Variants in KCNH5 observed in about 807,000 individuals in gnomAD.
KCNH5 encodes voltage-gated delayed rectifier potassium channel KCNH5.
KCNH5 carries 46 observed loss-of-function variants against 96.1 expected under a neutral mutation model. That is an observed-to-expected ratio of 0.48 (90% CI 0.38 to 0.61). KCNH5 has a LOEUF of 0.61. KCNH5 is among the 20% of genes least tolerant of loss of function. The pLI is 0.00. For missense variants in KCNH5, 907 were observed against 1,225.8 expected, an observed-to-expected ratio of 0.74 and a Z score of 3.88; for synonymous variants, 439 against 449.8, an observed-to-expected ratio of 0.98 and a Z score of 0.30.
intron 9 of KCNH5, among the ~76,000 whole-genome samples, chr14:62,790,068 C>CTTT (rs35827048): frequency 6.8e-6 from 1 of 148,102 alleles, no homozygotes. Flanking sequence ...TTTGAGTTGA[C>CTTT]TTTTTTTTTT....
chr14:63,025,627 A>AAG (rs138227129), intron 1 of KCNH5, among the ~76,000 whole-genome samples: 2 of 151,602 alleles, frequency 1.3e-5, no homozygotes, highest in African/African-American at 4.8e-5. Flanking sequence ...TAACAAAAAA[A>AAG]AAAACAGTAC....
chr14:62,742,844 T>C (rs1452012933), intron 10 of KCNH5, among the ~76,000 whole-genome samples: 2 of 152,182 alleles, frequency 1.3e-5, no homozygotes, highest in Non-Finnish European at 2.9e-5. Context: ...GGAAAGCTTA[T>C]TCAAGTTGCA....
intron 7 of KCNH5, among the ~76,000 whole-genome samples, chr14:62,889,438 G>T (rs1319642973): frequency 2.0e-5 from 3 of 152,158 alleles, no homozygotes; most frequent in African/African-American, 7.2e-5. Flanking sequence ...AGAATATCAT[G>T]CATGACAAAG....
intron 8 of KCNH5, among the ~76,000 whole-genome samples, chr14:62,803,662 CT>C (rs1399627614): frequency 1.3e-5 from 2 of 152,066 alleles, no homozygotes; most frequent in Non-Finnish European, 2.9e-5. Flanking sequence ...GGGTAGAGAG[CT>C]TTTATTGGCT....
chr14:63,003,353 G>T (rs546357177), intron 3 of KCNH5, among the ~76,000 whole-genome samples: 2 of 148,298 alleles, frequency 1.3e-5, no homozygotes, highest in East Asian at 3.9e-4. Flanking sequence ...AACCTGCTGT[G>T]GCTGAATCTC....
intron 3 of KCNH5, among the ~76,000 whole-genome samples, chr14:63,002,747 T>C (rs1415828600): frequency 1.3e-5 from 2 of 152,106 alleles, no homozygotes; most frequent in Non-Finnish European, 2.9e-5. Flanking sequence ...AGAAAGGAGA[T>C]TTCTATGGGA....
intron 10 of KCNH5, among the ~76,000 whole-genome samples, chr14:62,756,158 C>A (rs60210460): frequency 6.6e-6 from 1 of 151,782 alleles, no homozygotes; most frequent in African/African-American, 2.4e-5. Flanking sequence ...TATATGCCAA[C>A]GGCAAACAAT....
intron 6 of KCNH5, among the ~76,000 whole-genome samples, chr14:62,956,928 T>A (rs1890115314): frequency 1.3e-5 from 2 of 152,226 alleles, no homozygotes; most frequent in African/African-American, 4.8e-5. Context: ...AATCTTTCTG[T>A]GCCCTCCTCT....
At chr14:63,010,511 G>A (rs879584179) in intron 2 of KCNH5, among the ~76,000 whole-genome samples, 1 of 152,152 alleles carries the variant, frequency 6.6e-6, no homozygotes, top group Non-Finnish European at 1.5e-5. Flanking sequence ...AAGCCCATGA[G>A]GTTGAAGCAA....
chr14:62,790,710 T>C (rs1018880168), intron 9 of KCNH5, among the ~76,000 whole-genome samples: 7 of 151,782 alleles, frequency 4.6e-5, no homozygotes, highest in African/African-American at 7.2e-5. Context: ...TTGGTTAAAT[T>C]CATTACTATG....
rs889214011 is a variant in KCNH5, at chr14:62,704,713, A to T, written c.*2795T>A. On this transcript the variant is annotated 3_prime_UTR_variant, in exon 11 of 11. Transcript: ENST00000322893. ...TTAGAAATATAATATTAAAATTTTT[A>T]TTCTGGATGCACCAAGAGCATCTAT... 1 of 151,892 alleles carries T rather than the reference A, an allele frequency of 6.6e-6. No homozygotes were observed. The highest frequency in any genetic ancestry group is 6.6e-5 in the Admixed American group (1 of 15,242). 9.4% of individuals were successfully genotyped at this position (151,892 alleles called of 1,614,324 possible). A position where few individuals can be genotyped will look rare whatever the true frequency, so the allele number is the denominator to read the frequency against.
intron 9 of KCNH5, among the ~76,000 whole-genome samples, chr14:62,791,007 TATATTGA>T (rs1886423052): frequency 1.3e-5 from 2 of 151,800 alleles, no homozygotes; most frequent in Non-Finnish European, 3.0e-5. Flanking sequence ...ATTCCAGCGC[TATATTGA>T]ATAGAAGTGG....
intron 9 of KCNH5, among the ~76,000 whole-genome samples, chr14:62,784,808 T>C (rs1266783914): frequency 6.6e-6 from 1 of 152,212 alleles, no homozygotes; most frequent in Non-Finnish European, 1.5e-5. Flanking sequence ...TATTTCTACC[T>C]AAAATTTTGA....
At chr14:63,022,981 G>A (rs747975847) in intron 1 of KCNH5, among the ~76,000 whole-genome samples, 4 of 151,994 alleles carry the variant, frequency 2.6e-5, no homozygotes, top group Non-Finnish European at 5.9e-5. Context: ...AGAGGCAGGT[G>A]GATCATGAGG....
intron 7 of KCNH5, among the ~76,000 whole-genome samples, chr14:62,934,219 C>T (rs541681991): frequency 4.0e-5 from 6 of 151,792 alleles, no homozygotes; most frequent in South Asian, 4.2e-4. Flanking sequence ...CTCCGCCTCC[C>T]GGGTTCAAGC....
At chr14:62,770,336 T>C (rs1406450354) in intron 10 of KCNH5, among the ~76,000 whole-genome samples, 1 of 152,342 alleles carries the variant, frequency 6.6e-6, no homozygotes, top group East Asian at 1.9e-4. Context: ...GCTGCTGGAT[T>C]CACCATAATA....
intron 7 of KCNH5, among the ~76,000 whole-genome samples, chr14:62,889,894 C>T (rs547080280): frequency 4.3e-4 from 65 of 152,162 alleles, no homozygotes; most frequent in African/African-American, 1.4e-3. Context: ...AATTAGAAGA[C>T]GAAGTTCATA....
chr14:62,876,394 T>G (rs1214491365), intron 7 of KCNH5, among the ~76,000 whole-genome samples: 1 of 152,098 alleles, frequency 6.6e-6, no homozygotes, highest in African/African-American at 2.4e-5. Context: ...GACACACCAA[T>G]TAGAAAGGTG....
chr14:63,019,833 G>A (rs1192119033), intron 1 of KCNH5, among the ~76,000 whole-genome samples: 1 of 151,932 alleles, frequency 6.6e-6, no homozygotes, highest in African/African-American at 2.4e-5. Context: ...GATAAATTAG[G>A]CATCATCAAA....
Sources: allele counts gnomAD v4.1 joint callset (sites outside exome capture counted in the v4.1 genomes callset), GRCh38; gene constraint gnomAD v4.1.1; transcripts MANE v1.5; gene names NCBI Gene and HGNC (gene_info 2026-07-23, HGNC 2026-07-21).